Variants in PCDH15 observed in about 807,000 individuals in gnomAD.
PCDH15 encodes the protein protocadherin related 15.
In PCDH15, 129 loss-of-function variants were observed where a neutral mutation model predicts 178.5. That is an observed-to-expected ratio of 0.72 (90% CI 0.63 to 0.84). PCDH15 has a LOEUF of 0.84. Ranked by LOEUF, PCDH15 falls within the 40% of genes least tolerant of loss-of-function variation. The pLI, the probability that PCDH15 is intolerant of heterozygous loss-of-function variation, is 0.00. For missense variants in PCDH15, 2,230 were observed against 2,099.9 expected, an observed-to-expected ratio of 1.06 and a Z score of -1.21; for synonymous variants, 800 against 732.0, an observed-to-expected ratio of 1.09 and a Z score of -1.50.
intron 8 of PCDH15, among the ~76,000 whole-genome samples, chr10:54,258,325 A>G (rs2057070512): frequency 6.6e-6 from 1 of 152,226 alleles, no homozygotes; most frequent in South Asian, 2.1e-4. Flanking sequence ...TTGCTATAAA[A>G]TGAATTCAAG....
chr10:54,173,492 G>A (rs1051744565), intron 13 of PCDH15, among the ~76,000 whole-genome samples: 3 of 151,992 alleles, frequency 2.0e-5, no homozygotes, highest in African/African-American at 7.3e-5. Context: ...ACGTTATAGG[G>A]ATACTAATAT....
intron 2 of PCDH15, among the ~76,000 whole-genome samples, chr10:55,601,994 G>C (rs1471940693): frequency 1.3e-5 from 2 of 152,120 alleles, no homozygotes; most frequent in Non-Finnish European, 2.9e-5. Flanking sequence ...CATCTCACTA[G>C]GGAGTGCCAG....
In PCDH15 at chr10:55,524,217, T is replaced by C. The variant is rs532418698; in HGVS notation, c.-156+103408A>G. 2.6e-5 allele frequency among the ~76,000 whole-genome samples: 4 copies of C among 151,688 alleles called. 1 individual carries two copies. Among genetic ancestry groups the C allele is most frequent in the African/African-American group, 9.7e-5 (4 of 41,446 alleles). ...ATATAGAGTAAATAATTCGGAAATA[T>C]CGGTTTACTTTGTGGGCACTATTCT... On this transcript the variant is annotated intron_variant, in intron 2 of 5. Transcript: ENST00000613346.
intron 2 of PCDH15, among the ~76,000 whole-genome samples, chr10:55,482,155 TTTTTCTG>T (rs1466741771): frequency 2.0e-5 from 3 of 151,836 alleles, no homozygotes; most frequent in Non-Finnish European, 4.4e-5. Context: ...AACCTCTGCT[TTTTTCTG>T]TTTTCTATTT....
intron 2 of PCDH15, among the ~76,000 whole-genome samples, chr10:54,536,707 G>A (rs1019249548): frequency 4.0e-5 from 6 of 151,760 alleles, no homozygotes; most frequent in Non-Finnish European, 5.9e-5. Context: ...CCATGGCTAT[G>A]CAATGTTTAG....
intron 3 of PCDH15, among the ~76,000 whole-genome samples, chr10:54,439,973 T>C (rs922076118): frequency 1.3e-5 from 2 of 152,044 alleles, no homozygotes; most frequent in African/African-American, 4.8e-5. Flanking sequence ...TTTTCCACCT[T>C]GCAACATAAA....
chr10:54,964,375 G>A (rs1262203885), intron 2 of PCDH15, among the ~76,000 whole-genome samples: 1 of 152,170 alleles, frequency 6.6e-6, no homozygotes, highest in Non-Finnish European at 1.5e-5. Context: ...CACTTAGAAA[G>A]TAGCAGTGAC....
intron 1 of PCDH15, among the ~76,000 whole-genome samples, chr10:55,222,742 T>TCGC (rs1840920718): frequency 8.4e-6 from 1 of 119,132 alleles, no homozygotes; most frequent in Admixed American, 8.0e-5. Context: ...TATATATATA[T>TCGC]ATATATATAT....
chr10:55,540,789 C>T (rs946594035), intron 2 of PCDH15, among the ~76,000 whole-genome samples: 2 of 151,930 alleles, frequency 1.3e-5, no homozygotes, highest in Non-Finnish European at 2.9e-5. Flanking sequence ...TTGCAACTCC[C>T]GAAGTGCAAA....
chr10:54,599,088 A>T (rs1307487148), intron 2 of PCDH15, among the ~76,000 whole-genome samples: 1 of 151,948 alleles, frequency 6.6e-6, no homozygotes, highest in African/African-American at 2.4e-5. Flanking sequence ...TTCCTATCTA[A>T]TTAGCAACTA....
At chr10:54,849,910 A>T (rs1953585131) in intron 3 of PCDH15, among the ~76,000 whole-genome samples, 1 of 152,096 alleles carries the variant, frequency 6.6e-6, no homozygotes. Context: ...CATAATTAGG[A>T]TTCTATGACT....
intron 1 of PCDH15, among the ~76,000 whole-genome samples, chr10:55,242,481 A>T (rs1841571752): frequency 6.6e-6 from 1 of 152,244 alleles, no homozygotes; most frequent in Non-Finnish European, 1.5e-5. Context: ...TTCTAAAATC[A>T]ATTTAATGTG....
At chr10:55,127,315 T>C (rs527779101) in intron 2 of PCDH15, among the ~76,000 whole-genome samples, 3 of 152,184 alleles carry the variant, frequency 2.0e-5, no homozygotes, top group African/African-American at 7.2e-5. Context: ...ATTTTTCCTA[T>C]TGCCTCCAAG....
intron 2 of PCDH15, among the ~76,000 whole-genome samples, chr10:55,030,508 C>T (rs1367093275): frequency 5.9e-5 from 9 of 151,976 alleles, no homozygotes; most frequent in East Asian, 3.8e-4. Context: ...ACAATCTGGA[C>T]GCTGAGCTCA....
intron 21 of PCDH15, among the ~76,000 whole-genome samples, chr10:53,981,060 A>G (rs1290966293): frequency 6.6e-6 from 1 of 152,246 alleles, no homozygotes; most frequent in Non-Finnish European, 1.5e-5. Flanking sequence ...ATTAACATGA[A>G]TAACACATGG....
chr10:54,385,471 T>C (rs1949808607), intron 3 of PCDH15, among the ~76,000 whole-genome samples: 1 of 152,200 alleles, frequency 6.6e-6, no homozygotes, highest in African/African-American at 2.4e-5. Context: ...AGTTTGCTTT[T>C]TTCATGTAAA....
chr10:54,167,026 ACT>A (rs749387838), intron 13 of PCDH15, among the ~76,000 whole-genome samples: 48 of 151,776 alleles, frequency 3.2e-4, no homozygotes, highest in Non-Finnish European at 5.9e-4. Flanking sequence ...CCCTTCGCTG[ACT>A]CTCTTTTCGG....
At chr10:54,660,116 A>C (rs1437019878) in intron 2 of PCDH15, among the ~76,000 whole-genome samples, 2 of 152,166 alleles carry the variant, frequency 1.3e-5, no homozygotes, top group Admixed American at 6.5e-5. Context: ...TGTAAAAACC[A>C]AACAAGAGAT....
At chr10:55,520,177 G>A (rs1220436258) in intron 2 of PCDH15, among the ~76,000 whole-genome samples, 5 of 44,940 alleles carry the variant, frequency 1.1e-4, no homozygotes, top group Admixed American at 2.8e-4. Context: ...ATATATACAC[G>A]CAATGTGTAT....
Sources: allele counts gnomAD v4.1 joint callset (sites outside exome capture counted in the v4.1 genomes callset), GRCh38; gene constraint gnomAD v4.1.1; transcripts MANE v1.5; gene names NCBI Gene and HGNC (gene_info 2026-07-23, HGNC 2026-07-21).